The following SPRED1 variants were observed in gnomAD, a reference collection of about 807,000 sequenced individuals.
SPRED1 encodes sprouty related EVH1 domain containing 1.
In SPRED1, 18 loss-of-function variants were observed where a neutral mutation model predicts 52.3. The observed-to-expected ratio is 0.34, with a 90% confidence interval of 0.24 to 0.51. SPRED1 has a LOEUF of 0.51. SPRED1 is among the 20% of genes least tolerant of loss of function. SPRED1 has a pLI of 0.97. For synonymous variants in SPRED1, 155 were observed against 179.7 expected, an observed-to-expected ratio of 0.86 and a Z score of 1.10; for missense variants, 485 against 551.0, an observed-to-expected ratio of 0.88 and a Z score of 1.20.
At chr15:38,277,669 A>G (rs969183728) in intron 1 of SPRED1, among the ~76,000 whole-genome samples, 10 of 152,200 alleles carry the variant, frequency 6.6e-5, no homozygotes, top group Non-Finnish European at 1.2e-4. Flanking sequence ...TAATAATTCT[A>G]ACTTCTTTCA....
At chr15:38,316,975 T>A (rs1461665217) in intron 2 of SPRED1, among the ~76,000 whole-genome samples, 1 of 151,786 alleles carries the variant, frequency 6.6e-6, no homozygotes, top group Non-Finnish European at 1.5e-5. Context: ...ACATTTAATA[T>A]TTACTTTACA....
At chr15:38,300,781 T>G (rs1328319810) in intron 2 of SPRED1, among the ~76,000 whole-genome samples, 1 of 152,130 alleles carries the variant, frequency 6.6e-6, no homozygotes, top group Non-Finnish European at 1.5e-5. Flanking sequence ...AAAGTTTAAA[T>G]TTTTAAAGGT....
At chr15:38,285,768 G>T (rs1894794630) in intron 1 of SPRED1, among the ~76,000 whole-genome samples, 1 of 152,158 alleles carries the variant, frequency 6.6e-6, no homozygotes, top group African/African-American at 2.4e-5. Flanking sequence ...TGGCTTTAAT[G>T]TATACTTAAA....
chr15:38,348,722 C>A (rs1522764), intron 5 of SPRED1, among the ~76,000 whole-genome samples: 118,101 of 151,946 alleles, frequency 0.78, 47,265 homozygotes, highest in Non-Finnish European at 0.87. Context: ...AGATAATAGA[C>A]CCATGGTGAT....
chr15:38,341,748 C>T (rs1400472262), intron 5 of SPRED1, among the ~76,000 whole-genome samples: 1 of 151,838 alleles, frequency 6.6e-6, no homozygotes, highest in East Asian at 1.9e-4. Flanking sequence ...TTTGTTGGAA[C>T]TTGGTTGATG....
chr15:38,348,520 G>C (rs945190272), intron 5 of SPRED1, among the ~76,000 whole-genome samples: 2 of 151,950 alleles, frequency 1.3e-5, no homozygotes, highest in African/African-American at 4.8e-5. Context: ...GGTCTGAAAG[G>C]TCTAAGATGG....
intron 5 of SPRED1, among the ~76,000 whole-genome samples, chr15:38,348,415 TCTG>T (rs1053532448): frequency 1.5e-5 from 2 of 134,658 alleles, no homozygotes; most frequent in East Asian, 1.9e-4. Flanking sequence ...ATTTTAAAGA[TCTG>T]TGTGTGTGTG....
At chr15:38,281,203 G>A (rs1894680242) in intron 1 of SPRED1, among the ~76,000 whole-genome samples, 1 of 152,200 alleles carries the variant, frequency 6.6e-6, no homozygotes, top group South Asian at 2.1e-4. Flanking sequence ...ATACAAAAGA[G>A]AACTTCCTAC....
intron 1 of SPRED1, among the ~76,000 whole-genome samples, chr15:38,255,791 T>C (rs1894082433): frequency 6.8e-6 from 1 of 146,330 alleles, no homozygotes; most frequent in South Asian, 2.2e-4. Flanking sequence ...TACATTTTTT[T>C]CCCTTTTCTC....
At chr15:38,306,046 A>G (rs1449100850) in intron 2 of SPRED1, among the ~76,000 whole-genome samples, 2 of 151,954 alleles carry the variant, frequency 1.3e-5, no homozygotes, top group Non-Finnish European at 2.9e-5. Flanking sequence ...GTTATTTACC[A>G]TAATTAAATT....
chr15:38,275,237 T>G (rs1365712020), intron 1 of SPRED1, among the ~76,000 whole-genome samples: 1 of 152,232 alleles, frequency 6.6e-6, no homozygotes, highest in Non-Finnish European at 1.5e-5. Context: ...ATCATTTTTA[T>G]GCTCTGTTGT....
At position 38,355,482 on chromosome 15, in the gene SPRED1, G is replaced by T. The variant is rs1308574853; in HGVS notation, c.*3818G>T. The stretch of plus-strand genomic sequence containing the variant: ...CCCCTTAATTAAATGGCACGGAAAT[G>T]TTTCTTAATATGCACGTGAGTCTCC... On this transcript the variant is annotated 3_prime_UTR_variant, in exon 7 of 7. Coordinates refer to ENST00000299084, the MANE Select transcript of SPRED1 (RefSeq NM_152594.3). The T allele has an allele frequency of 3.9e-5, 6 of 152,148 alleles. No individual in the cohort carries two copies. Among genetic ancestry groups the T allele is most frequent in the African/African-American group, 1.2e-4 (5 of 41,420 alleles). 9.4% of individuals were successfully genotyped at this position (152,148 alleles called of 1,614,324 possible).
intron 4 of SPRED1, among the ~76,000 whole-genome samples, chr15:38,327,206 G>A (rs991402499): frequency 2.6e-4 from 39 of 152,296 alleles, no homozygotes; most frequent in Non-Finnish European, 4.6e-4. Flanking sequence ...CTTTGAAGAT[G>A]TTCCTGTAAA....
At chr15:38,307,439 G>C (rs1435680625) in intron 2 of SPRED1, among the ~76,000 whole-genome samples, 1 of 152,152 alleles carries the variant, frequency 6.6e-6, no homozygotes, top group Non-Finnish European at 1.5e-5. Context: ...TTCTCAAGAT[G>C]TCCTCACATG....
chr15:38,257,252 C>G (rs1417446242), intron 1 of SPRED1, among the ~76,000 whole-genome samples: 1 of 151,994 alleles, frequency 6.6e-6, no homozygotes, highest in African/African-American at 2.4e-5. Context: ...TTTCTATGAC[C>G]GCTATTCTGT....
intron 1 of SPRED1, among the ~76,000 whole-genome samples, chr15:38,280,528 G>T (rs1041290012): frequency 4.6e-5 from 7 of 151,942 alleles, no homozygotes; most frequent in Admixed American, 2.6e-4. Flanking sequence ...AAAATCCATT[G>T]TTTTTTGTGG....
rs753701682 is a variant in SPRED1, at chr15:38,339,739, A to G, written c.426A>G (p.Ala142=). ...GCATTGAGGGTTGTTCCCAATAGGC[A>G]AATGAAGAGGATTCTTCCAGTTCTC... ...NEAEGADDLQ[A]NEEDSSSSLV... The change falls in exon 5 of 7, where the codon GCA becomes GCG. Residue 142 remains alanine (A), a splice_region_variant and synonymous_variant. Transcript: ENST00000299084. The G allele has an allele frequency of 1.1e-5, 18 of 1,613,658 alleles. No individual in the cohort carries two copies. Among genetic ancestry groups the G allele is most frequent in the Admixed American group, 3.3e-5 (2 of 59,968 alleles).
At chr15:38,260,598 AT>A (rs1894185685) in intron 1 of SPRED1, among the ~76,000 whole-genome samples, 1 of 152,230 alleles carries the variant, frequency 6.6e-6, no homozygotes, top group Non-Finnish European at 1.5e-5. Flanking sequence ...TATTATAGTT[AT>A]TAAAGCTATT....
At chr15:38,333,101 A>G (rs1474113945) in intron 4 of SPRED1, among the ~76,000 whole-genome samples, 1 of 152,088 alleles carries the variant, frequency 6.6e-6, no homozygotes, top group East Asian at 1.9e-4. Context: ...TTTGTGGGGG[A>G]CACAAACATT....
Sources: allele counts gnomAD v4.1 joint callset (sites outside exome capture counted in the v4.1 genomes callset), GRCh38; gene constraint gnomAD v4.1.1; transcripts MANE v1.5; gene names NCBI Gene and HGNC (gene_info 2026-07-23, HGNC 2026-07-21).